Variants in STRIP1 observed in about 807,000 individuals in gnomAD.
STRIP1 encodes striatin-interacting protein 1.
A neutral mutation model predicts 106.2 loss-of-function variants in STRIP1; 63 were observed. The observed-to-expected ratio is 0.59, with a 90% CI of 0.48 to 0.73. The LOEUF (loss-of-function observed/expected upper bound fraction) is 0.73. STRIP1 is among the 30% of genes least tolerant of loss of function. The probability of loss-of-function intolerance (pLI) is 0.00; values close to 1 mark genes in which losing one functional copy is unlikely to be tolerated. For synonymous variants in STRIP1, 390 were observed against 413.0 expected, an observed-to-expected ratio of 0.94 and a Z score of 0.67; for missense variants, 857 against 1,074.8, an observed-to-expected ratio of 0.80 and a Z score of 2.83.
rs952274552 is a variant in STRIP1, at chr1:110,054,049, C to T, written c.*137C>T. ...CCCCACTGTGTCTTCCGCAGTCTGTCCTGGGCTTGGGTGAGCCCAGCTTGA... is the reference window on the plus strand; with the variant it reads ...CCCCACTGTGTCTTCCGCAGTCTGTTCTGGGCTTGGGTGAGCCCAGCTTGA... On this transcript the variant is annotated 3_prime_UTR_variant, in exon 21 of 21. Transcript: ENST00000369795. The T allele has an allele frequency of 1.4e-5, 16 of 1,157,014 alleles. No individual in the cohort carries two copies. Among genetic ancestry groups the T allele is most frequent in the Non-Finnish European group, 2.0e-5 (16 of 817,604 alleles). The allele number at this position is 1,157,014 out of a possible 1,614,324, so 71.7% of individuals were successfully genotyped here. A position where few individuals can be genotyped will look rare whatever the true frequency, so the allele number is the denominator to read the frequency against.
At chr1:110,040,127 C>A (rs1197218776) in intron 5 of STRIP1, among the ~76,000 whole-genome samples, 1 of 152,192 alleles carries the variant, frequency 6.6e-6, no homozygotes, top group East Asian at 1.9e-4. Flanking sequence ...AGGATTCAAA[C>A]CGTGGCAGTC....
rs1317269978 is a variant in STRIP1 at position 110,034,658 on chromosome 1, T to C, written c.21T>C (p.Gly7=). 3.3e-6 allele frequency: 5 copies of C among 1,522,376 alleles called. No individual in the cohort carries two copies. Among genetic ancestry groups the C allele is most frequent in the Non-Finnish European group, 4.4e-6 (5 of 1,135,936 alleles). 94.3% of individuals were successfully genotyped at this position (1,522,376 alleles called of 1,614,324 possible). The part of the protein sequence containing the change: MEPAVG[G]PGPLIVNNKQ... ...CCAAGATGGAGCCGGCAGTCGGCGG[T>C]CCGGGCCCACTGATCGTGAACAACA... is the stretch of plus-strand genomic sequence containing the variant. The change falls in exon 1 of 21, where the codon GGT becomes GGC. Residue 7 remains glycine (G), a synonymous_variant. Transcript: ENST00000369795.
At chr1:110,044,054 A>G (rs182749007) in intron 10 of STRIP1, among the ~76,000 whole-genome samples, 198 bp downstream of exon 10, 214 of 152,324 alleles carry the variant, frequency 1.4e-3, no homozygotes, top group Middle Eastern at 3.4e-3. Context: ...CTCACACAAC[A>G]TGGCCCTCAT....
chr1:110,042,160 C>G (rs1214431883), intron 8 of STRIP1, among the ~76,000 whole-genome samples: 2 of 152,050 alleles, frequency 1.3e-5, no homozygotes, highest in African/African-American at 2.4e-5. Context: ...CAGCTCTGGA[C>G]CTGGAGTTTG....
Position 110,038,832 on chromosome 1 carries a change from A to G in STRIP1, c.325+75A>G. The G allele has an allele frequency of 5.9e-6, 8 of 1,364,594 alleles. No individual in the cohort carries two copies. The Middle Eastern group carries it at 5.3e-4, about 91-fold the overall frequency. The allele number at this position is 1,364,594 out of a possible 1,614,324, so 84.5% of individuals were successfully genotyped here. A position where few individuals can be genotyped will look rare whatever the true frequency, so the allele number is the denominator to read the frequency against. On this transcript the variant is annotated intron_variant, in intron 3 of 20. Transcript: ENST00000369795. The stretch of plus-strand genomic sequence containing the variant: ...GCTGCAGGTTTCTTTTAGGCATCTG[A>G]ATGACCTGAGTCATCCTGGAACAGC...
Position 110,053,710 on chromosome 1 carries a change from T to G in STRIP1, c.2312T>G (p.Leu771Arg), listed in dbSNP as rs779061306. 6.2e-7 allele frequency: 1 copy of G among 1,614,144 alleles called. No homozygotes were observed. The highest frequency in any genetic ancestry group is 2.2e-5 in the East Asian group (1 of 44,874). The change falls in exon 21 of 21, where the codon CTT becomes CGT. Residue 771 changes from leucine to arginine, a missense_variant. Physicochemically the swap from Leu to Arg is moderately radical, Grantham distance 102. Coordinates refer to ENST00000369795, the MANE Select transcript of STRIP1 (RefSeq NM_033088.4). ...PWDFQAEECALRANIERFNAR... is the reference protein window; with the variant it reads ...PWDFQAEECARRANIERFNAR... ...GACTTCCAGGCAGAGGAGTGTGCCC[T>G]TCGTGCCAACATTGAACGCTTCAAC...
intron 1 of STRIP1, among the ~76,000 whole-genome samples, chr1:110,036,661 T>C (rs903190113): frequency 6.6e-6 from 1 of 152,220 alleles, no homozygotes; most frequent in African/African-American, 2.4e-5. Context: ...GAGAGCCCAC[T>C]ATGTACTACA....
chr1:110,045,947 A>C (rs1269642416), intron 12 of STRIP1, among the ~76,000 whole-genome samples: 2 of 152,206 alleles, frequency 1.3e-5, no homozygotes, highest in Non-Finnish European at 2.9e-5. Flanking sequence ...ACGGGAGAGA[A>C]CATTAAGAGT....
In STRIP1 at chr1:110,049,539, C is replaced by A; in HGVS notation, c.1868C>A (p.Ser623Tyr). Residue 623 changes from serine (S) to tyrosine (Y), a missense_variant, in exon 17 of 21, where the codon TCC (serine) becomes TAC (tyrosine). Physicochemically the swap from Ser to Tyr is moderately radical, Grantham distance 144. Coordinates refer to ENST00000369795, the MANE Select transcript of STRIP1 (RefSeq NM_033088.4). ...ILKFFNQNIM[S>Y]YITAKNSISV... ...AAGTTCTTCAATCAAAACATCATGTCCTACATCACTGCCAAGAACAGGTGA... is the reference window on the plus strand; with the variant it reads ...AAGTTCTTCAATCAAAACATCATGTACTACATCACTGCCAAGAACAGGTGA... The A allele has an allele frequency of 6.2e-7, 1 of 1,612,612 alleles. No homozygotes were observed. Among genetic ancestry groups the A allele is most frequent in the East Asian group, 2.2e-5 (1 of 44,856 alleles).
At chr1:110,039,001 G>A in intron 3 of STRIP1, 171 bp from the exon 4 acceptor site, 3 of 833,534 alleles carry the variant, frequency 3.6e-6, no homozygotes, top group South Asian at 1.8e-5. Flanking sequence ...AAATACCAGC[G>A]TTTCAGTTTG....
intron 1 of STRIP1, among the ~76,000 whole-genome samples, chr1:110,036,177 G>A (rs2101763452): frequency 6.6e-6 from 1 of 152,342 alleles, no homozygotes; most frequent in Admixed American, 6.5e-5. Flanking sequence ...TAGAGGCCGG[G>A]TGCAGTGGCT....
chr1:110,049,426 C>CTT (rs529172763), intron 16 of STRIP1, 34 bp from the exon 17 acceptor site: 3,628 of 1,313,876 alleles, frequency 2.8e-3, no homozygotes, highest in South Asian at 5.0e-3. Flanking sequence ...AGGGCCGCGC[C>CTT]TTTTTTTTTT....
At chr1:110,034,910 C>G in intron 1 of STRIP1, 93 bp downstream of exon 1, 1 of 1,243,996 alleles carries the variant, frequency 8.0e-7, no homozygotes, top group Non-Finnish European at 1.1e-6. Context: ...TTGGGCTTCC[C>G]GGAGGGCTCG....
chr1:110,035,313 C>T (rs1652395666), intron 1 of STRIP1, among the ~76,000 whole-genome samples: 1 of 152,180 alleles, frequency 6.6e-6, no homozygotes, highest in Admixed American at 6.5e-5. Flanking sequence ...GAACTTAGAG[C>T]CGGACCGAGC....
chr1:110,035,421 A>G (rs964857893), intron 1 of STRIP1, among the ~76,000 whole-genome samples: 1 of 152,164 alleles, frequency 6.6e-6, no homozygotes, highest in Non-Finnish European at 1.5e-5. Context: ...GTGGTGGGCT[A>G]TTGTGCCCAG....
chr1:110,046,457 G>A (rs1205373097), intron 12 of STRIP1, among the ~76,000 whole-genome samples: 1 of 152,154 alleles, frequency 6.6e-6, no homozygotes, highest in Non-Finnish European at 1.5e-5. Context: ...CCAAGATCAT[G>A]CCACTGCACT....
chr1:110,032,700 T>A (rs1652252406), upstream of STRIP1, among the ~76,000 whole-genome samples: 1 of 152,190 alleles, frequency 6.6e-6, no homozygotes, highest in South Asian at 2.1e-4. Context: ...CCTACCCAGC[T>A]GATAAGATTC....
At position 110,034,870 on chromosome 1, in the gene STRIP1, C is replaced by A. The variant is rs945532850; in HGVS notation, c.180+53C>A. 1.7e-5 allele frequency: 23 copies of A among 1,374,196 alleles called. No individual in the cohort carries two copies. The African/African-American group carries it at 3.1e-4, about 18-fold the overall frequency. The allele number at this position is 1,374,196 out of a possible 1,614,324, so 85.1% of individuals were successfully genotyped here. A position where few individuals can be genotyped will look rare whatever the true frequency, so the allele number is the denominator to read the frequency against. Reference sequence around the variant, plus strand: ...CACCGGGTCGGGCGGCGCCGGGGGTCCCGGGCCCGGGGCCACTCTAGGGGC... The same window carrying A: ...CACCGGGTCGGGCGGCGCCGGGGGTACCGGGCCCGGGGCCACTCTAGGGGC... On this transcript the variant is annotated intron_variant, in intron 1 of 20. Transcript: ENST00000369795.
At chr1:110,047,167 C>G (rs1266129431) in intron 13 of STRIP1, among the ~76,000 whole-genome samples, 1 of 152,164 alleles carries the variant, frequency 6.6e-6, no homozygotes, top group African/African-American at 2.4e-5. Context: ...CCCAGTCCAC[C>G]TCCCAGTGCA....
Sources: gnomAD v4.1 joint callset for allele counts (sites outside exome capture counted in the v4.1 genomes callset) on GRCh38, gnomAD v4.1.1 for gene constraint, MANE v1.5 for transcripts, NCBI Gene and HGNC (gene_info 2026-07-23, HGNC 2026-07-21) for gene names.